The following TRPM4 variants were observed in gnomAD, a reference collection of about 807,000 sequenced individuals.
TRPM4 encodes the protein transient receptor potential cation channel subfamily M member 4, also known as calcium-activated non-selective cation channel 1.
In TRPM4, 124 loss-of-function variants were observed where a neutral mutation model predicts 135.6. The observed-to-expected ratio is 0.91, with a 90% CI of 0.79 to 1.06. TRPM4 has a LOEUF of 1.06. Among genes scored for constraint, TRPM4 ranks in the 50% least tolerant of loss-of-function variants. The pLI, the probability that TRPM4 is intolerant of heterozygous loss-of-function variation, is 0.00. For synonymous variants in TRPM4, 745 were observed against 705.6 expected, an observed-to-expected ratio of 1.06 and a Z score of -0.88; for missense variants, 1,658 against 1,671.4, an observed-to-expected ratio of 0.99 and a Z score of 0.14.
In TRPM4 at chr19:49,171,482, C is replaced by T; in HGVS notation, c.858+64C>T. The T allele has an allele frequency of 6.2e-7, 1 of 1,612,064 alleles. No homozygotes were observed. Among genetic ancestry groups the T allele is most frequent in the East Asian group, 2.2e-5 (1 of 44,834 alleles). ...GGGTTGGGGGCCAGGACTCCTGGGT[C>T]CTGAGTCTTAGGGAGGGTCTGGGGG... On this transcript the variant is annotated intron_variant, in intron 7 of 24. Transcript: ENST00000252826. The surrounding 1 kb of genome is among the most constrained non-coding windows in gnomAD (Gnocchi z 4.7).
intron 9 of TRPM4, among the ~76,000 whole-genome samples, chr19:49,176,128 T>C (rs1471566048): frequency 6.7e-6 from 1 of 149,134 alleles, no homozygotes; most frequent in Non-Finnish European, 1.5e-5. Context: ...TTCGCCATGT[T>C]GGCCAGGCTG....
In TRPM4 at chr19:49,168,108, G is replaced by A. The variant is rs1469572678; in HGVS notation, c.448+11G>A. The A allele has an allele frequency of 6.3e-7, 1 of 1,598,686 alleles. No individual in the cohort carries two copies. The highest frequency in any genetic ancestry group is 8.5e-7 in the Non-Finnish European group (1 of 1,174,580). ...CTGCCCAGAGCACAGGTGACCGAGGGTGGGTGGGGGCTGTCTCCTGGGCCT... is the reference window on the plus strand; with the variant it reads ...CTGCCCAGAGCACAGGTGACCGAGGATGGGTGGGGGCTGTCTCCTGGGCCT... On this transcript the variant is annotated intron_variant, in intron 4 of 24. Coordinates refer to ENST00000252826, the MANE Select transcript of TRPM4 (RefSeq NM_017636.4).
chr19:49,179,617 T>A (rs143522737), intron 9 of TRPM4, among the ~76,000 whole-genome samples: 1,607 of 152,358 alleles, frequency 0.011, 20 homozygotes, highest in South Asian at 0.022. Flanking sequence ...CCCAAAGTGC[T>A]GGGATTACAG....
Position 49,196,832 on chromosome 19 carries a change from A to T in TRPM4, c.2603A>T (p.Asp868Val). ...CTCGCCGACAGCTGGAACCAGTGCG[A>T]CCTAGTGGCTCTCACCTGCTTCCTC... is the stretch of plus-strand genomic sequence containing the variant. ...LYLADSWNQC[D>V]LVALTCFLLG... Residue 868 changes from aspartate (D) to valine (V), a missense_variant, in exon 17 of 25, where the codon GAC (aspartate) becomes GTC (valine). Transcript: ENST00000252826. 1 of 1,591,492 alleles carries T rather than the reference A, an allele frequency of 6.3e-7. No individual in the cohort carries two copies. The highest frequency in any genetic ancestry group is 1.1e-5 in the South Asian group (1 of 89,290).
intron 16 of TRPM4, among the ~76,000 whole-genome samples, chr19:49,191,581 TCTC>T (rs1442620253): frequency 6.6e-6 from 1 of 151,832 alleles, no homozygotes; most frequent in Non-Finnish European, 1.5e-5. Context: ...AGTGGTGTGA[TCTC>T]CGCCTCCTGG....
intron 2 of TRPM4, among the ~76,000 whole-genome samples, chr19:49,161,786 C>T (rs966089696): frequency 1.3e-5 from 2 of 152,094 alleles, no homozygotes; most frequent in South Asian, 2.1e-4. Flanking sequence ...CCCACCATCA[C>T]GCCTGGCTAA....
intron 20 of TRPM4, among the ~76,000 whole-genome samples, chr19:49,208,270 G>A (rs868395966): frequency 4.0e-5 from 6 of 151,242 alleles, no homozygotes; most frequent in Non-Finnish European, 7.4e-5. Flanking sequence ...AACTGCGGGC[G>A]GGCCTGACAT....
Position 49,200,348 on chromosome 19 carries a change from C to T in TRPM4, c.2694C>T (p.Asp898=), listed in dbSNP as rs1284020145. The T allele has an allele frequency of 6.2e-7, 1 of 1,613,980 alleles. No individual in the cohort carries two copies. The highest frequency in any genetic ancestry group is 1.3e-5 in the African/African-American group (1 of 74,890). ...TGGGCCGCACTGTCCTCTGCATCGA[C>T]TTCATGGTTTTCACGGTGCGGCTGC... is the stretch of plus-strand genomic sequence containing the variant. ...YHLGRTVLCI[D]FMVFTVRLLH... Residue 898 remains aspartate, a synonymous_variant, in exon 18 of 25, where the codon GAC becomes GAT. Coordinates refer to ENST00000252826, the MANE Select transcript of TRPM4 (RefSeq NM_017636.4).
At position 49,171,463 on chromosome 19, in the gene TRPM4, G is replaced by C; in HGVS notation, c.858+45G>C. ...CGGATCTAAGGGGGAAGGAGGGTTGGGGGCCAGGACTCCTGGGTCCTGAGT... is the reference window on the plus strand; with the variant it reads ...CGGATCTAAGGGGGAAGGAGGGTTGCGGGCCAGGACTCCTGGGTCCTGAGT... On this transcript the variant is annotated intron_variant, in intron 7 of 24. Coordinates refer to ENST00000252826, the MANE Select transcript of TRPM4 (RefSeq NM_017636.4). This position sits in a 1 kb window ranked among gnomAD's most constrained non-coding sequence, Gnocchi z 4.7. 6.2e-7 allele frequency: 1 copy of C among 1,613,434 alleles called. No individual in the cohort carries two copies. Among genetic ancestry groups the C allele is most frequent in the African/African-American group, 1.3e-5 (1 of 75,022 alleles).
In TRPM4 at chr19:49,168,393, C is replaced by A. The variant is rs914389404; in HGVS notation, c.582C>A (p.Val194=). 25 of 1,613,878 alleles carry A rather than the reference C, an allele frequency of 1.5e-5. No individual in the cohort carries two copies. Among genetic ancestry groups the A allele is most frequent in the Admixed American group, 3.3e-5 (2 of 60,002 alleles). ...VAMGVAPWGV[V]RNRDTLINPK... is the part of the protein sequence containing the mutation. ...TGGGTGTGGCCCCCTGGGGTGTGGT[C>A]CGGAATAGAGACACCCTCATCAACC... is the stretch of plus-strand genomic sequence containing the variant. The change falls in exon 5 of 25, where the codon GTC becomes GTA. Residue 194 remains valine, a synonymous_variant. Coordinates refer to ENST00000252826, the MANE Select transcript of TRPM4 (RefSeq NM_017636.4).
chr19:49,176,080 C>G (rs775000877), intron 9 of TRPM4, among the ~76,000 whole-genome samples: 1 of 151,604 alleles, frequency 6.6e-6, no homozygotes, highest in Non-Finnish European at 1.5e-5. Context: ...CCCACAACCG[C>G]ACCCGGCTAA....
intron 2 of TRPM4, among the ~76,000 whole-genome samples, chr19:49,164,364 GTTTTTTTTTTTTTTTTT>G (rs869232937): frequency 8.6e-4 from 14 of 16,264 alleles, no homozygotes; most frequent in South Asian, 0.01. Flanking sequence ...TCTTTCCTTA[GTTTTTTTTTTTTTTTTT>G]TTTTTTTTTT....
intron 16 of TRPM4, among the ~76,000 whole-genome samples, chr19:49,193,133 T>G (rs1968475454): frequency 6.8e-6 from 1 of 146,610 alleles, no homozygotes; most frequent in Non-Finnish European, 1.5e-5. Context: ...CAGGCTGGAG[T>G]GCAGTGGCAT....
At chr19:49,161,323 C>CTTTT (rs67808134) in intron 2 of TRPM4, among the ~76,000 whole-genome samples, 60 of 101,204 alleles carry the variant, frequency 5.9e-4, no homozygotes, top group South Asian at 3.4e-3. Context: ...GTCTCTCTCT[C>CTTTT]TTTTTTTTTT....
At position 49,196,624 on chromosome 19, in the gene TRPM4, CG is replaced by C; in HGVS notation, c.2398del (p.Val800CysfsTer34). ...CCTGCTGTTCCTGCTGCTTTTCTCG[CG>C]GGTGCTGCTCGTGGATTTCCAGCCG... Reference protein sequence around the residue: ...SYLLFLLLFSRVLLVDFQPAP... With the variant: ...SYLLFLLLFSXVLLVDFQPAP... On this transcript the variant is annotated frameshift_variant, in exon 17 of 25. Coordinates refer to ENST00000252826, the MANE Select transcript of TRPM4 (RefSeq NM_017636.4). LOFTEE classifies it high-confidence loss of function. 6.4e-7 allele frequency: 1 copy of C among 1,553,146 alleles called. No homozygotes were observed. The highest frequency in any genetic ancestry group is 8.7e-7 in the Non-Finnish European group (1 of 1,151,884).
At chr19:49,164,681 CT>C (rs1967105857) in intron 2 of TRPM4, among the ~76,000 whole-genome samples, 2 of 140,506 alleles carry the variant, frequency 1.4e-5, no homozygotes, top group African/African-American at 5.3e-5. Flanking sequence ...TGCGCCCGGC[CT>C]CTTGCTTGCT....
At chr19:49,175,963 G>A (rs1402516768) in intron 9 of TRPM4, among the ~76,000 whole-genome samples, 8 of 129,168 alleles carry the variant, frequency 6.2e-5, no homozygotes, top group South Asian at 2.7e-4. Flanking sequence ...TTTGTCTGTC[G>A]CCCAGGCTGG....
At chr19:49,162,470 C>A (rs1967002063) in intron 2 of TRPM4, among the ~76,000 whole-genome samples, 1 of 151,964 alleles carries the variant, frequency 6.6e-6, no homozygotes, top group African/African-American at 2.4e-5. Context: ...GCCCAGGTGG[C>A]AGAGGTTGCA....
rs1353425281 is a variant in TRPM4, at chr19:49,166,086, A to C, written c.138A>C (p.Ala46=). 4.4e-6 allele frequency: 7 copies of C among 1,603,628 alleles called. No individual in the cohort carries two copies. The highest frequency in any genetic ancestry group is 6.0e-6 in the Non-Finnish European group (7 of 1,176,272). Residue 46 remains alanine (A), a synonymous_variant, in exon 3 of 25, where the codon GCA becomes GCC. Coordinates refer to ENST00000252826, the MANE Select transcript of TRPM4 (RefSeq NM_017636.4). ...GGCGCCCCCGGACCGCCCACCCCGC[A>C]GTGGCCATGGAGGATGCCTTCGGGG... ...QCGRPRTAHP[A]VAMEDAFGAA...
Sources: allele counts gnomAD v4.1 joint callset (sites outside exome capture counted in the v4.1 genomes callset), GRCh38; gene constraint gnomAD v4.1.1; non-coding constraint Gnocchi (gnomAD v3.1); transcripts MANE v1.5; gene names NCBI Gene and HGNC (gene_info 2026-07-23, HGNC 2026-07-21).